Variants in GABBR2 observed in about 807,000 individuals in gnomAD.
GABBR2 encodes the protein gamma-aminobutyric acid type B receptor subunit 2.
GABBR2 carries 23 observed loss-of-function variants against 105.6 expected under a neutral mutation model. The ratio of observed to expected loss-of-function variants is 0.22; its 90% CI spans 0.16 to 0.31. The LOEUF (loss-of-function observed/expected upper bound fraction) is 0.31, where lower values mean the gene tolerates loss of function less well. Ranked by LOEUF, GABBR2 falls within the 10% of genes least tolerant of loss-of-function variation. The pLI, the probability that GABBR2 is intolerant of heterozygous loss-of-function variation, is 1.00. For missense variants in GABBR2, 734 were observed against 1,245.5 expected, an observed-to-expected ratio of 0.59 and a Z score of 6.18; for synonymous variants, 478 against 499.7, an observed-to-expected ratio of 0.96 and a Z score of 0.58.
intron 13 of GABBR2, among the ~76,000 whole-genome samples, chr9:98,321,600 G>T (rs1181243613): frequency 1.3e-5 from 2 of 152,106 alleles, no homozygotes; most frequent in Non-Finnish European, 2.9e-5. Flanking sequence ...CAAGGTGGGC[G>T]GTGGGGACCA....
At position 98,708,294 on chromosome 9, in the gene GABBR2, T is replaced by G. The variant is rs112410216; in HGVS notation, c.321+123A>C. 1.5e-4 allele frequency: 147 copies of G among 997,100 alleles called. No individual in the cohort carries two copies. In the African/African-American group the frequency reaches 2.2e-3, roughly 15 times the overall value. The allele number at this position is 997,100 out of a possible 1,614,324, so 61.8% of individuals were successfully genotyped here. On this transcript the variant is annotated intron_variant, in intron 1 of 18. Transcript: ENST00000259455. ...GTGAACACTGGGCACCAGCCCTCTC[T>G]GCCCTCGGCAGGCGCGGGCCGGTCA...
chr9:98,347,253 CTT>C (rs1401654147), intron 13 of GABBR2, among the ~76,000 whole-genome samples: 1 of 152,092 alleles, frequency 6.6e-6, no homozygotes, highest in Non-Finnish European at 1.5e-5. Context: ...TACTTTTTGT[CTT>C]TTTGAAAATA....
chr9:98,655,557 T>C (rs1400975367), intron 1 of GABBR2, among the ~76,000 whole-genome samples: 1 of 152,196 alleles, frequency 6.6e-6, no homozygotes, highest in African/African-American at 2.4e-5. Context: ...TGCAGCACTA[T>C]TCACAATAGC....
intron 1 of GABBR2, among the ~76,000 whole-genome samples, chr9:98,610,118 C>T (rs1829483599): frequency 1.3e-5 from 2 of 152,218 alleles, no homozygotes; most frequent in South Asian, 2.1e-4. Flanking sequence ...ATCCTCCATC[C>T]GCCCCGCCTA....
At chr9:98,354,789 G>T (rs1831457362) in intron 13 of GABBR2, among the ~76,000 whole-genome samples, 1 of 152,150 alleles carries the variant, frequency 6.6e-6, no homozygotes, top group Admixed American at 6.5e-5. Flanking sequence ...CAGCCATAAG[G>T]CTGTTTTGCT....
At chr9:98,585,521 T>C (rs2131788738) in intron 1 of GABBR2, among the ~76,000 whole-genome samples, 1 of 148,782 alleles carries the variant, frequency 6.7e-6, no homozygotes, top group South Asian at 2.2e-4. Flanking sequence ...GGGATAGCAT[T>C]AGGAGATATA....
In GABBR2 at chr9:98,436,341, C is replaced by A. The variant is rs1248678381; in HGVS notation, c.1236+17640G>T. Among the ~76,000 whole-genome samples, 88 of 67,086 alleles carry A rather than the reference C, an allele frequency of 1.3e-3. 5 individuals are homozygous for A. Among genetic ancestry groups the A allele is most frequent in the East Asian group, 4.8e-3 (5 of 1,032 alleles). The allele number at this position is 67,086 out of a possible 152,430, so 44.0% of individuals were successfully genotyped here. On this transcript the variant is annotated intron_variant, in intron 7 of 18. Coordinates refer to ENST00000259455, the MANE Select transcript of GABBR2 (RefSeq NM_005458.8). ...CCATATATATATATATACACACACA[C>A]ACACACCATATATATATATATATAT...
chr9:98,375,759 C>T (rs1831861315), intron 11 of GABBR2, among the ~76,000 whole-genome samples: 1 of 152,180 alleles, frequency 6.6e-6, no homozygotes, highest in Non-Finnish European at 1.5e-5. Flanking sequence ...CCTTCTCCCC[C>T]TCCATCAGAA....
intron 3 of GABBR2, among the ~76,000 whole-genome samples, chr9:98,516,577 A>G (rs1827760250): frequency 6.6e-6 from 1 of 152,314 alleles, no homozygotes; most frequent in East Asian, 1.9e-4. Flanking sequence ...TAAGCCCCCA[A>G]GAGAGCCACC....
At chr9:98,304,705 T>C (rs557826183) in intron 15 of GABBR2, among the ~76,000 whole-genome samples, 5 of 152,228 alleles carry the variant, frequency 3.3e-5, no homozygotes, top group Non-Finnish European at 7.3e-5. Context: ...TCCCCTGCTC[T>C]GAAGCAGATG....
chr9:98,646,441 C>G (rs1437859141), intron 1 of GABBR2, among the ~76,000 whole-genome samples: 1 of 152,134 alleles, frequency 6.6e-6, no homozygotes, highest in Admixed American at 6.5e-5. Flanking sequence ...AAGCTCGCAC[C>G]TGGTTTCCTC....
chr9:98,648,136 G>GATAGATAA (rs1162340519), intron 1 of GABBR2, among the ~76,000 whole-genome samples: 1 of 119,646 alleles, frequency 8.4e-6, no homozygotes, highest in Non-Finnish European at 1.8e-5. Flanking sequence ...TAGATAGATA[G>GATAGATAA]ATAGATAGAT....
At chr9:98,699,506 C>T (rs747545222) in intron 1 of GABBR2, among the ~76,000 whole-genome samples, 6 of 152,178 alleles carry the variant, frequency 3.9e-5, no homozygotes, top group Admixed American at 6.5e-5. Context: ...CCTCTTAGAA[C>T]TGGAGAGCTG....
rs1469713644 is a variant in GABBR2, at chr9:98,549,161, G to C, written c.460-7118C>G. 2.5e-5 allele frequency among the ~76,000 whole-genome samples: 3 copies of C among 121,694 alleles called. 1 individual carries two copies. The highest frequency in any genetic ancestry group is 3.7e-5 in the Non-Finnish European group (2 of 54,098). 79.8% of individuals were successfully genotyped at this position (121,694 alleles called of 152,430 possible). A position where few individuals can be genotyped will look rare whatever the true frequency, so the allele number is the denominator to read the frequency against. On this transcript the variant is annotated intron_variant, in intron 2 of 18. Transcript: ENST00000259455. ...GGGTTTCACCATGTTGGACAGGCTG[G>C]TCTTGCGCTCCTGACCTCAGGTGAT...
At chr9:98,687,256 CG>C (rs1830631095) in intron 1 of GABBR2, among the ~76,000 whole-genome samples, 1 of 151,614 alleles carries the variant, frequency 6.6e-6, no homozygotes, top group African/African-American at 2.4e-5. Context: ...AGGTCACGGA[CG>C]GAACATTACT....
intron 8 of GABBR2, among the ~76,000 whole-genome samples, chr9:98,398,983 C>T (rs1052010671): frequency 5.3e-5 from 8 of 152,116 alleles, no homozygotes; most frequent in African/African-American, 1.9e-4. Context: ...CCTGAGGGGA[C>T]CCAGGTCATA....
intron 11 of GABBR2, among the ~76,000 whole-genome samples, chr9:98,375,613 C>A (rs552989): frequency 6.6e-6 from 1 of 152,092 alleles, no homozygotes; most frequent in Non-Finnish European, 1.5e-5. Flanking sequence ...TAAAGGAAGA[C>A]CACAGAGAGA....
intron 13 of GABBR2, among the ~76,000 whole-genome samples, chr9:98,342,776 A>G (rs149570839): frequency 6.6e-6 from 1 of 152,286 alleles, no homozygotes; most frequent in Non-Finnish European, 1.5e-5. Flanking sequence ...CCACCAGGCC[A>G]CCTGTGAGCA....
chr9:98,601,307 A>G (rs1274452888), intron 1 of GABBR2, among the ~76,000 whole-genome samples: 1 of 152,244 alleles, frequency 6.6e-6, no homozygotes, highest in Non-Finnish European at 1.5e-5. Context: ...ATTTGAGGCC[A>G]GGAGTTTGGG....
Sources: gnomAD v4.1 joint callset for allele counts (sites outside exome capture counted in the v4.1 genomes callset) on GRCh38, gnomAD v4.1.1 for gene constraint, MANE v1.5 for transcripts, NCBI Gene and HGNC (gene_info 2026-07-23, HGNC 2026-07-21) for gene names.